The following FAF1 variants were observed in gnomAD, a reference collection of about 807,000 sequenced individuals.
The protein encoded by FAF1 is FAS-associated factor 1.
In FAF1, 25 loss-of-function variants were observed where a neutral mutation model predicts 92.5. That is an observed-to-expected ratio of 0.27 (90% CI 0.20 to 0.38). The LOEUF (loss-of-function observed/expected upper bound fraction) is 0.38. Ranked by LOEUF, FAF1 falls within the 10% of genes least tolerant of loss-of-function variation. The pLI, the probability that FAF1 is intolerant of heterozygous loss-of-function variation, is 1.00. For missense variants in FAF1, 636 were observed against 793.3 expected, an observed-to-expected ratio of 0.80 and a Z score of 2.38; for synonymous variants, 234 against 273.2, an observed-to-expected ratio of 0.86 and a Z score of 1.42.
At chr1:50,863,555 A>G (rs530138472) in intron 1 of FAF1, among the ~76,000 whole-genome samples, 6 of 152,140 alleles carry the variant, frequency 3.9e-5, no homozygotes, top group Admixed American at 3.9e-4. Flanking sequence ...CAAAACTACA[A>G]AAGATAAATG....
intron 15 of FAF1, among the ~76,000 whole-genome samples, chr1:50,521,756 C>T (rs937106819): frequency 1.3e-5 from 2 of 152,148 alleles, no homozygotes; most frequent in African/African-American, 2.4e-5. Context: ...GAATGCATTA[C>T]TGAGATATCA....
At chr1:50,644,290 T>C (rs1488466039) in intron 8 of FAF1, among the ~76,000 whole-genome samples, 4 of 152,252 alleles carry the variant, frequency 2.6e-5, no homozygotes, top group Admixed American at 2.0e-4. Flanking sequence ...GAATGCCCTG[T>C]GTATTCACTG....
chr1:50,697,414 T>C (rs1177899211), intron 7 of FAF1, among the ~76,000 whole-genome samples: 1 of 152,206 alleles, frequency 6.6e-6, no homozygotes, highest in Non-Finnish European at 1.5e-5. Flanking sequence ...AATAATATCA[T>C]TAACATTCTC....
chr1:50,856,045 T>TA lies in FAF1; in HGVS notation c.114+1883dup, dbSNP rs556481674. Among the ~76,000 whole-genome samples, 28 of 151,956 alleles carry TA rather than the reference T, an allele frequency of 1.8e-4. No homozygotes were observed. The South Asian group carries it at 4.6e-3, about 25-fold the overall frequency. ...CAATATTCTGCATAGGCTGTACTGA[T>TA]AAAAATATTCACTACCAGTAAGTGT... On this transcript the variant is annotated intron_variant, in intron 2 of 18. Transcript: ENST00000396153.
chr1:50,663,901 C>T (rs1240398438), intron 7 of FAF1, among the ~76,000 whole-genome samples: 1 of 151,422 alleles, frequency 6.6e-6, no homozygotes, highest in Non-Finnish European at 1.5e-5. Flanking sequence ...ATTTTATTAG[C>T]CTAAGAAATT....
chr1:50,819,438 G>C (rs954666266), intron 2 of FAF1, among the ~76,000 whole-genome samples: 1 of 149,162 alleles, frequency 6.7e-6, no homozygotes, highest in East Asian at 1.9e-4. Context: ...AATACAGCAA[G>C]ACTCTGTCTG....
At chr1:50,580,622 TA>T (rs1301222542) in intron 12 of FAF1, among the ~76,000 whole-genome samples, 6 of 152,060 alleles carry the variant, frequency 3.9e-5, no homozygotes, top group East Asian at 3.9e-4. Context: ...TATTAAAAGG[TA>T]AAAAAAGCTG....
At chr1:50,771,147 C>T (rs940948934) in intron 4 of FAF1, among the ~76,000 whole-genome samples, 1 of 152,128 alleles carries the variant, frequency 6.6e-6, no homozygotes, top group Non-Finnish European at 1.5e-5. Context: ...ACTACAAAAA[C>T]CCTAGAAGAC....
intron 9 of FAF1, among the ~76,000 whole-genome samples, chr1:50,586,424 T>C (rs1651235505): frequency 1.3e-5 from 2 of 152,176 alleles, no homozygotes; most frequent in African/African-American, 4.8e-5. Flanking sequence ...TGTTTCTCAT[T>C]TGACTTAGTG....
chr1:50,554,568 T>G (rs1342395437), intron 13 of FAF1, among the ~76,000 whole-genome samples: 3 of 152,012 alleles, frequency 2.0e-5, no homozygotes, highest in Non-Finnish European at 4.4e-5. Context: ...TAACAGATAT[T>G]CCTTGTTACA....
chr1:50,938,587 C>A lies in FAF1; in HGVS notation c.45+21180G>T, dbSNP rs532698809. Among the ~76,000 whole-genome samples the A allele has an allele frequency of 9.1e-4, 139 of 152,288 alleles. 3 individuals carry two copies. The South Asian group carries it at 0.028, about 31-fold the overall frequency. On this transcript the variant is annotated intron_variant, in intron 1 of 18. Transcript: ENST00000396153. Reference sequence around the variant, plus strand: ...CAGAAGCTCTTTAGTTTAATCATGTCCCACTTGTCAATTTTTGTTTTGGTT... The same window carrying A: ...CAGAAGCTCTTTAGTTTAATCATGTACCACTTGTCAATTTTTGTTTTGGTT...
At chr1:50,623,493 C>T (rs1488227860) in intron 8 of FAF1, among the ~76,000 whole-genome samples, 12 of 151,286 alleles carry the variant, frequency 7.9e-5, no homozygotes, top group Non-Finnish European at 1.3e-4. Flanking sequence ...TGCTTGAACC[C>T]GGCAGGTGGA....
At chr1:50,447,433 C>A (rs1646242908) in intron 18 of FAF1, among the ~76,000 whole-genome samples, 1 of 152,130 alleles carries the variant, frequency 6.6e-6, no homozygotes, top group African/African-American at 2.4e-5. Flanking sequence ...CCTATTCCTG[C>A]TTTTAAAATA....
At position 50,579,173 on chromosome 1, in the gene FAF1, G is replaced by A. The variant is rs570473238; in HGVS notation, c.1113+3445C>T. On this transcript the variant is annotated intron_variant, in intron 12 of 18. Transcript: ENST00000396153. ...GCTTATATTCCTCAGGGGATTATCAGTCTGAATAAATCCAAATGCCAATTT... is the reference window on the plus strand; with the variant it reads ...GCTTATATTCCTCAGGGGATTATCAATCTGAATAAATCCAAATGCCAATTT... 2.1e-3 allele frequency among the ~76,000 whole-genome samples: 316 copies of A among 152,234 alleles called. 2 individuals carry two copies. Among genetic ancestry groups the A allele is most frequent in the Middle Eastern group, 6.8e-3 (2 of 294 alleles).
chr1:50,674,384 T>G (rs544123002), intron 7 of FAF1, among the ~76,000 whole-genome samples: 1 of 152,326 alleles, frequency 6.6e-6, no homozygotes, highest in East Asian at 1.9e-4. Context: ...CACTATTCAC[T>G]TACTTGGCTA....
rs372897424 is a variant in FAF1, at chr1:50,763,668, AT to A, written c.368-18894del. On this transcript the variant is annotated intron_variant, in intron 4 of 18. Coordinates refer to ENST00000396153, the MANE Select transcript of FAF1 (RefSeq NM_007051.3). ...ATTGTTTTTATTGCTATGTCTTCAT[AT>A]TCACTGACCTTTTCAACAGTTAAAC... is the stretch of plus-strand genomic sequence containing the variant. Among the ~76,000 whole-genome samples, 27 of 152,272 alleles carry A rather than the reference AT, an allele frequency of 1.8e-4. No individual in the cohort carries two copies. The South Asian group carries it at 4.6e-3, about 26-fold the overall frequency.
At chr1:50,899,995 G>A (rs1644783962) in intron 1 of FAF1, among the ~76,000 whole-genome samples, 2 of 152,158 alleles carry the variant, frequency 1.3e-5, no homozygotes, top group Non-Finnish European at 2.9e-5. Flanking sequence ...TATGCTTTGT[G>A]TGAGTGCTAG....
chr1:50,690,874 T>G (rs1656890652), intron 7 of FAF1, among the ~76,000 whole-genome samples: 1 of 152,228 alleles, frequency 6.6e-6, no homozygotes, highest in Non-Finnish European at 1.5e-5. Context: ...TTTAGCATGT[T>G]TTTAAGGTTC....
chr1:50,910,831 G>A (rs1037997658), intron 1 of FAF1, among the ~76,000 whole-genome samples: 10 of 152,006 alleles, frequency 6.6e-5, no homozygotes, highest in Admixed American at 1.3e-4. Flanking sequence ...TGTGCTTCCC[G>A]GGTGAGGCAA....
Sources: allele counts gnomAD v4.1 joint callset (sites outside exome capture counted in the v4.1 genomes callset), GRCh38; gene constraint gnomAD v4.1.1; transcripts MANE v1.5; gene names NCBI Gene and HGNC (gene_info 2026-07-23, HGNC 2026-07-21).